HECW1: variants seen among roughly 807,000 people sequenced by gnomAD.
HECW1 encodes E3 ubiquitin-protein ligase HECW1.
HECW1 carries 61 observed loss-of-function variants against 182.3 expected under a neutral mutation model. That is an observed-to-expected ratio of 0.33 (90% CI 0.27 to 0.41). The LOEUF is 0.41. HECW1 is among the 10% of genes least tolerant of loss of function. The pLI is 1.00. For synonymous variants in HECW1, 859 were observed against 832.6 expected (o/e 1.03, Z -0.55); for missense variants, 1,739 against 2,108.9 (o/e 0.82, Z 3.44).
At chr7:43,194,646 G>T (rs1168821922) in intron 2 of HECW1, among the ~76,000 whole-genome samples, 4 of 151,662 alleles carry the variant, frequency 2.6e-5, no homozygotes, top group Admixed American at 2.0e-4. Flanking sequence ...AAGCTCTGTG[G>T]ATTCAACCAG....
chr7:43,529,678 G>A (rs150509069), intron 24 of HECW1, among the ~76,000 whole-genome samples: 6 of 152,112 alleles, frequency 3.9e-5, no homozygotes, highest in Middle Eastern at 3.4e-3. Context: ...TAACACCCTC[G>A]CTGGAGTCCA....
At chr7:43,198,474 A>G in intron 2 of HECW1, among the ~76,000 whole-genome samples, 1 of 151,046 alleles carries the variant, frequency 6.6e-6, no homozygotes, top group Non-Finnish European at 1.5e-5. Flanking sequence ...CACCATAGTC[A>G]CACCCCACAC....
chr7:43,267,958 A>G (rs914563003), intron 3 of HECW1, among the ~76,000 whole-genome samples: 3 of 152,216 alleles, frequency 2.0e-5, no homozygotes, highest in Non-Finnish European at 2.9e-5. Context: ...TCACAAATGA[A>G]TACTGATAAA....
rs2074562860 is a variant in HECW1 at position 43,381,810 on chromosome 7, C to T, written c.556-15004C>T. Among the ~76,000 whole-genome samples the T allele has an allele frequency of 2.6e-5, 4 of 152,166 alleles. No individual in the cohort carries two copies. In the South Asian group the frequency reaches 8.3e-4, roughly 32 times the overall value. ...AAGTGCTGGGATTATAGGTGTGAGC[C>T]ACCACACCTGGCTGATAATTTTTTA... On this transcript the variant is annotated intron_variant, in intron 6 of 29. Coordinates refer to ENST00000395891, the MANE Select transcript of HECW1 (RefSeq NM_015052.5).
At chr7:43,394,201 G>A (rs1049475879) in intron 6 of HECW1, among the ~76,000 whole-genome samples, 1 of 152,158 alleles carries the variant, frequency 6.6e-6, no homozygotes, top group Non-Finnish European at 1.5e-5. Flanking sequence ...TGGAAGCCCT[G>A]ATTATGCCAT....
Position 43,463,785 on chromosome 7 carries a change from C to T in HECW1, c.2777C>T (p.Ser926Phe). Residue 926 changes from serine to phenylalanine, a missense_variant, in exon 14 of 30, where the codon TCC becomes TTC. By Grantham distance (155) the Ser-to-Phe change is radical. Transcript: ENST00000395891. ...GGGAGTGACTCAGAAGCCGAATCTTCCCAGTCCAGCTTAGGTATTGGAGGA... is the reference window on the plus strand; with the variant it reads ...GGGAGTGACTCAGAAGCCGAATCTTTCCAGTCCAGCTTAGGTATTGGAGGA... Reference protein sequence around the residue: ...GGGSDSEAESSQSSLDLRREG... With the variant: ...GGGSDSEAESFQSSLDLRREG... 1 of 1,613,904 alleles carries T rather than the reference C, an allele frequency of 6.2e-7. No individual in the cohort carries two copies. Among genetic ancestry groups the T allele is most frequent in the Non-Finnish European group, 8.5e-7 (1 of 1,179,966 alleles).
intron 3 of HECW1, among the ~76,000 whole-genome samples, chr7:43,261,114 G>A (rs1315447133): frequency 6.6e-6 from 1 of 152,182 alleles, no homozygotes; most frequent in African/African-American, 2.4e-5. Context: ...GCACTAGGTT[G>A]CTTACAAGGA....
intron 11 of HECW1, among the ~76,000 whole-genome samples, chr7:43,447,647 C>G (rs111508617): frequency 3.9e-5 from 6 of 152,204 alleles, no homozygotes; most frequent in Non-Finnish European, 8.8e-5. Flanking sequence ...CCAGGCTAAC[C>G]GTGTCTGCAT....
intron 2 of HECW1, among the ~76,000 whole-genome samples, chr7:43,173,338 G>T (rs1352021827): frequency 6.6e-6 from 1 of 152,196 alleles, no homozygotes; most frequent in East Asian, 1.9e-4. Context: ...CCAGTCAATA[G>T]AAAGTTTGGG....
At chr7:43,342,384 C>T (rs1485078089) in intron 5 of HECW1, among the ~76,000 whole-genome samples, 2 of 151,752 alleles carry the variant, frequency 1.3e-5, no homozygotes, top group East Asian at 3.8e-4. Context: ...AAAAGAAATA[C>T]AAATGGATAT....
Position 43,271,108 on chromosome 7 carries a change from G to A in HECW1, c.27+27176G>A, listed in dbSNP as rs568983622. On this transcript the variant is annotated intron_variant, in intron 3 of 29. Coordinates refer to ENST00000395891, the MANE Select transcript of HECW1 (RefSeq NM_015052.5). ...TTATATAATTTGATGTACATGTGTT[G>A]TATGTATATATATTTCATTCTAAAA... 1.6e-3 allele frequency among the ~76,000 whole-genome samples: 244 copies of A among 152,270 alleles called. 1 individual carries two copies. Among genetic ancestry groups the A allele is most frequent in the African/African-American group, 5.0e-3 (207 of 41,570 alleles).
At chr7:43,113,229 C>T (rs1380642557) in intron 1 of HECW1, among the ~76,000 whole-genome samples, 1 of 152,174 alleles carries the variant, frequency 6.6e-6, no homozygotes, top group Non-Finnish European at 1.5e-5. Context: ...CAAGCGGGTT[C>T]GCAGCGCCTC....
At chr7:43,315,455 CATTATTATTGTTATTATTATT>C (rs1562824608) in intron 4 of HECW1, among the ~76,000 whole-genome samples, 1 of 117,732 alleles carries the variant, frequency 8.5e-6, no homozygotes, top group African/African-American at 5.8e-5. Context: ...TCTCCCGTCC[CATTATTATTGTTATTATTATT>C]ATTATTATTA....
At position 43,159,836 on chromosome 7, in the gene HECW1, C is replaced by T. The variant is rs528340204; in HGVS notation, c.-32+45445C>T. On this transcript the variant is annotated intron_variant, in intron 2 of 29. Coordinates refer to ENST00000395891, the MANE Select transcript of HECW1 (RefSeq NM_015052.5). The stretch of plus-strand genomic sequence containing the variant: ...CTGGGACTACAGGTGCCCACCACCA[C>T]GCCCGGCTAATTTTTTGTATTTTCA... 3.3e-3 allele frequency among the ~76,000 whole-genome samples: 505 copies of T among 152,082 alleles called. 1 individual carries two copies. Among genetic ancestry groups the T allele is most frequent in the Non-Finnish European group, 6.6e-3 (449 of 67,996 alleles).
chr7:43,402,890 C>T (rs1188337413), intron 7 of HECW1, among the ~76,000 whole-genome samples: 1 of 152,170 alleles, frequency 6.6e-6, no homozygotes, highest in Non-Finnish European at 1.5e-5. Context: ...CAATGAAGTG[C>T]ACTTTTAGCA....
chr7:43,531,041 A>C (rs2080962195), intron 24 of HECW1, among the ~76,000 whole-genome samples: 1 of 152,170 alleles, frequency 6.6e-6, no homozygotes, highest in Non-Finnish European at 1.5e-5. Context: ...CCACAACCTT[A>C]TCTCACATCT....
In HECW1 at chr7:43,341,071, A is replaced by C. The variant is rs1341029758; in HGVS notation, c.461-19815A>C. 2.0e-5 allele frequency among the ~76,000 whole-genome samples: 3 copies of C among 151,732 alleles called. No individual in the cohort carries two copies. The East Asian group carries it at 5.8e-4, about 29-fold the overall frequency. On this transcript the variant is annotated intron_variant, in intron 5 of 29. Coordinates refer to ENST00000395891, the MANE Select transcript of HECW1 (RefSeq NM_015052.5). ...AACTATCACAAGGACAGAAAACCAA[A>C]CACTGCATGTTCTCACTCATAGGTG... is the stretch of plus-strand genomic sequence containing the variant.
At chr7:43,405,838 T>C (rs908442173) in intron 7 of HECW1, among the ~76,000 whole-genome samples, 2 of 152,198 alleles carry the variant, frequency 1.3e-5, no homozygotes, top group Non-Finnish European at 2.9e-5. Flanking sequence ...TATGTTAACT[T>C]CTGTCTACAC....
intron 2 of HECW1, among the ~76,000 whole-genome samples, chr7:43,140,436 C>T (rs902784149): frequency 6.6e-6 from 1 of 152,154 alleles, no homozygotes; most frequent in African/African-American, 2.4e-5. Context: ...GAGCTATTTC[C>T]CATTGGTTAA....
Sources: gnomAD v4.1 joint callset for allele counts (sites outside exome capture counted in the v4.1 genomes callset) on GRCh38, gnomAD v4.1.1 for gene constraint, MANE v1.5 for transcripts, NCBI Gene and HGNC (gene_info 2026-07-23, HGNC 2026-07-21) for gene names.